The following MORN1 variants were observed in gnomAD, a reference collection of about 807,000 sequenced individuals.
The protein encoded by MORN1 is MORN repeat-containing protein 1.
Under a neutral mutation model 61.9 loss-of-function variants are expected in MORN1, and 67 were observed. That is an observed-to-expected ratio of 1.08 (90% CI 0.89 to 1.33). The LOEUF is 1.33. MORN1 is among the 40% of genes most tolerant of loss of function. The pLI is 0.00. For missense variants in MORN1, 752 were observed against 691.2 expected (o/e 1.09, Z -0.99); for synonymous variants, 301 against 292.0 (o/e 1.03, Z -0.31).
intron 12 of MORN1, among the ~76,000 whole-genome samples, chr1:2,324,982 G>C (rs920808747): frequency 2.2e-5 from 3 of 137,548 alleles, no homozygotes; most frequent in Non-Finnish European, 3.1e-5. Context: ...AGCTGGGCCC[G>C]GCAGGTGCCT....
intron 10 of MORN1, among the ~76,000 whole-genome samples, chr1:2,342,881 AT>A (rs545102621): frequency 0.013 from 1,242 of 97,270 alleles, 9 homozygotes; most frequent in Middle Eastern, 0.029. Context: ...ATTTTATTTT[AT>A]TTTATTTTAT....
rs548713718 is a variant in MORN1, at chr1:2,372,872, T to C, written c.635-281A>G. Among the ~76,000 whole-genome samples, 3 of 152,306 alleles carry C rather than the reference T, an allele frequency of 2.0e-5. No homozygotes were observed. The highest frequency in any genetic ancestry group is 7.2e-5 in the African/African-American group (3 of 41,558). On this transcript the variant is annotated intron_variant, in intron 7 of 13. Coordinates refer to ENST00000378531, the MANE Select transcript of MORN1 (RefSeq NM_024848.3). This position sits in a 1 kb window ranked among gnomAD's most constrained non-coding sequence, Gnocchi z 5.4. The stretch of plus-strand genomic sequence containing the variant: ...CCACGGAGCATGCAAGAGACACAAG[T>C]GGGCGGTGTGGGGCTGTTGGGTTTT...
At chr1:2,327,130 A>G (rs1641044376) in intron 12 of MORN1, among the ~76,000 whole-genome samples, 1 of 138,058 alleles carries the variant, frequency 7.2e-6, no homozygotes, top group Admixed American at 7.1e-5. Context: ...AGAAACAAAC[A>G]CAGAAACACA....
intron 1 of MORN1, 92 bp downstream of exon 1, chr1:2,391,366 G>A (rs1642658228): frequency 5.7e-6 from 7 of 1,227,022 alleles, no homozygotes; most frequent in Non-Finnish European, 6.2e-6. Context: ...ACTTTCCGAG[G>A]TGAGCATTTG....
chr1:2,338,570 C>T (rs12734736), intron 10 of MORN1, among the ~76,000 whole-genome samples: 59,066 of 152,086 alleles, frequency 0.39, 12,278 homozygotes, highest in African/African-American at 0.54. Context: ...GCCCAGATCC[C>T]GAGCCCCAAG....
chr1:2,338,542 G>T (rs1168966784), intron 10 of MORN1, among the ~76,000 whole-genome samples: 1 of 152,212 alleles, frequency 6.6e-6, no homozygotes, highest in Non-Finnish European at 1.5e-5. Flanking sequence ...CCTCGGCAAG[G>T]TGACCGCTCC....
At chr1:2,323,199 T>G (rs1569897595) in intron 13 of MORN1, 2 of 985,344 alleles carry the variant, frequency 2.0e-6, no homozygotes, top group South Asian at 9.4e-5. Context: ...GGACACCGCG[T>G]GGCACTCCAG....
At chr1:2,387,734 C>A (rs908342041) in intron 3 of MORN1, 4 of 581,218 alleles carry the variant, frequency 6.9e-6, no homozygotes, top group African/African-American at 3.7e-5. Flanking sequence ...TGCAGACAGC[C>A]CCAGGCAGAC....
At chr1:2,332,483 C>T in intron 12 of MORN1, 1 of 390,848 alleles carries the variant, frequency 2.6e-6, no homozygotes, top group Non-Finnish European at 5.2e-6. Context: ...TCCCATTGTC[C>T]CCCTCGGCAG....
Position 2,372,428 on chromosome 1 carries a change from C to T in MORN1, c.745+53G>A. ...CGCATCTTCACTGCTTAAGAACCTG[C>T]TGCCTGTTTCTCTTTTGGAAACGTT... On this transcript the variant is annotated intron_variant, in intron 8 of 13. Transcript: ENST00000378531. This position sits in a 1 kb window ranked among gnomAD's most constrained non-coding sequence, Gnocchi z 5.4. 3 of 1,394,846 alleles carry T rather than the reference C, an allele frequency of 2.2e-6. No homozygotes were observed. Among genetic ancestry groups the T allele is most frequent in the Non-Finnish European group, 3.0e-6 (3 of 999,540 alleles). The allele number at this position is 1,394,846 out of a possible 1,614,324, so 86.4% of individuals were successfully genotyped here.
intron 12 of MORN1, among the ~76,000 whole-genome samples, chr1:2,335,756 A>G (rs1051616897): frequency 2.0e-5 from 3 of 151,350 alleles, no homozygotes; most frequent in East Asian, 1.9e-4. Context: ...GCTCCTCCAC[A>G]GTGTGCGGGG....
At chr1:2,331,065 G>C (rs902631975) in intron 12 of MORN1, among the ~76,000 whole-genome samples, 2 of 152,026 alleles carry the variant, frequency 1.3e-5, no homozygotes, top group African/African-American at 4.8e-5. Context: ...CAGGCGGCGG[G>C]CACGTGCGGG....
chr1:2,390,141 G>A (rs1328496629), intron 1 of MORN1, 145 bp from the exon 2 acceptor site: 2 of 725,686 alleles, frequency 2.8e-6, no homozygotes, highest in East Asian at 5.1e-5. Context: ...GCGACCTGTG[G>A]GGCTCATGAG....
rs903913 is a variant in MORN1 at position 2,357,812 on chromosome 1, T to C, written c.870-214A>G. 0.16 allele frequency among the ~76,000 whole-genome samples: 24,209 copies of C among 152,008 alleles called. 2,313 individuals carry two copies. The highest frequency in any genetic ancestry group is 0.39 in the East Asian group (1,990 of 5,124). On this transcript the variant is annotated intron_variant, in intron 9 of 13. Coordinates refer to ENST00000378531, the MANE Select transcript of MORN1 (RefSeq NM_024848.3). This position sits in a 1 kb window ranked among gnomAD's most constrained non-coding sequence, Gnocchi z 6.3. Reference sequence around the variant, plus strand: ...CAGGGAGAAGACAGCAGGTCTTGGCTTGAAGGAAGAGCTGCCTGCCGCCCC... The same window carrying C: ...CAGGGAGAAGACAGCAGGTCTTGGCCTGAAGGAAGAGCTGCCTGCCGCCCC...
In MORN1 at chr1:2,342,343, G is replaced by A. The variant is rs550692623; in HGVS notation, c.1037-5493C>T. ...CCAGGCCAGCCCCAAGAATAGCCGC[G>A]GCAGGCGCAGGACCTGGCCAGGGGG... On this transcript the variant is annotated intron_variant, in intron 10 of 13. Coordinates refer to ENST00000378531, the MANE Select transcript of MORN1 (RefSeq NM_024848.3). 2.6e-5 allele frequency among the ~76,000 whole-genome samples: 4 copies of A among 152,384 alleles called. No individual in the cohort carries two copies. The South Asian group carries it at 6.2e-4, about 24-fold the overall frequency.
chr1:2,354,471 G>C (rs372477722), intron 10 of MORN1, among the ~76,000 whole-genome samples: 197 of 152,308 alleles, frequency 1.3e-3, no homozygotes, highest in African/African-American at 4.6e-3. Context: ...GGAGGCTGAG[G>C]TGGGAGGATC....
chr1:2,321,307 G>C lies in MORN1; in HGVS notation c.*76C>G, dbSNP rs1344054308. 12 of 1,114,142 alleles carry C rather than the reference G, an allele frequency of 1.1e-5. No individual in the cohort carries two copies. The highest frequency in any genetic ancestry group is 1.6e-5 in the African/African-American group (1 of 61,456). The allele number at this position is 1,114,142 out of a possible 1,614,324, so 69.0% of individuals were successfully genotyped here. On this transcript the variant is annotated 3_prime_UTR_variant, in exon 14 of 14. Coordinates refer to ENST00000378531, the MANE Select transcript of MORN1 (RefSeq NM_024848.3). ...AGCAACCACGGGGCTCTGGAGAATC[G>C]GGGAGCAGAGTCACGCAAGCAGAGG...
chr1:2,337,358 G>T lies in MORN1; in HGVS notation c.1037-508C>A, dbSNP rs1311672796. Among the ~76,000 whole-genome samples, 6 of 152,316 alleles carry T rather than the reference G, an allele frequency of 3.9e-5. No homozygotes were observed. In the East Asian group the frequency reaches 9.7e-4, roughly 25 times the overall value. On this transcript the variant is annotated intron_variant, in intron 10 of 13. Transcript: ENST00000378531. The surrounding 1 kb of genome is among the most constrained non-coding windows in gnomAD (Gnocchi z 5.7). ...GGCGTGGAGGGAGACACCGAGGGTG[G>T]CTGCGAGTCCCTCCACGTGGCGGCA...
At chr1:2,335,837 C>CCAGCCCAGCG (rs1008896470) in intron 12 of MORN1, among the ~76,000 whole-genome samples, 2 of 151,468 alleles carry the variant, frequency 1.3e-5, no homozygotes, top group African/African-American at 4.9e-5. Flanking sequence ...ATAGCCCAGC[C>CCAGCCCAGCG]CAGCCCAGCG....
Sources: allele counts gnomAD v4.1 joint callset (sites outside exome capture counted in the v4.1 genomes callset), GRCh38; gene constraint gnomAD v4.1.1; non-coding constraint Gnocchi (gnomAD v3.1); transcripts MANE v1.5; gene names NCBI Gene and HGNC (gene_info 2026-07-23, HGNC 2026-07-21).